Variants in MICAL3 observed in about 807,000 individuals in gnomAD.
MICAL3 encodes the protein microtubule associated monooxygenase, calponin and LIM domain containing 3.
In MICAL3, 62 loss-of-function variants were observed where a neutral mutation model predicts 207.4. The observed-to-expected ratio is 0.30, with a 90% CI of 0.24 to 0.37. MICAL3 has a LOEUF of 0.37. Ranked by LOEUF, MICAL3 falls within the 10% of genes least tolerant of loss-of-function variation. The probability of loss-of-function intolerance (pLI) is 1.00; values close to 1 mark genes in which losing one functional copy is unlikely to be tolerated. For synonymous variants in MICAL3, 1,077 were observed against 1,069.3 expected (o/e 1.01, Z -0.14); for missense variants, 2,368 against 2,635.6 (o/e 0.90, Z 2.22).
intron 1 of MICAL3, among the ~76,000 whole-genome samples, chr22:17,909,596 G>T (rs1378453184): frequency 6.6e-6 from 1 of 152,202 alleles, no homozygotes; most frequent in African/African-American, 2.4e-5. Flanking sequence ...TGGCCAAGAG[G>T]CCAGCAAGAA....
At chr22:17,878,903 C>T (rs1238594440) in intron 16 of MICAL3, among the ~76,000 whole-genome samples, 1 of 152,136 alleles carries the variant, frequency 6.6e-6, no homozygotes, top group Admixed American at 6.5e-5. Context: ...AGAGCTTTGG[C>T]TCTCTTAGGA....
At chr22:17,811,400 T>C (rs1187261190) in intron 27 of MICAL3, 1 of 152,650 alleles carries the variant, frequency 6.6e-6, no homozygotes, top group African/African-American at 2.4e-5. Context: ...AACAAGGATG[T>C]TTCTCTTTTA....
At chr22:17,928,445 AAAG>A (rs542145463) in intron 1 of MICAL3, among the ~76,000 whole-genome samples, 6 of 145,454 alleles carry the variant, frequency 4.1e-5, no homozygotes, top group African/African-American at 1.6e-4. Context: ...TCTCAAAAAA[AAAG>A]AAAGAAAGAA....
intron 21 of MICAL3, among the ~76,000 whole-genome samples, 172 bp downstream of exon 21, chr22:17,831,682 G>C (rs573164743): frequency 2.6e-4 from 40 of 152,240 alleles, no homozygotes; most frequent in African/African-American, 9.1e-4. Flanking sequence ...CCTGCTCAAC[G>C]CTACGGTGTC....
At chr22:18,010,622 C>A (rs1433546938) in intron 1 of MICAL3, among the ~76,000 whole-genome samples, 3 of 152,108 alleles carry the variant, frequency 2.0e-5, no homozygotes, top group Non-Finnish European at 4.4e-5. Flanking sequence ...AAGAAGTGAG[C>A]TTCCCCTTTT....
chr22:17,860,225 C>T (rs1048763717), intron 19 of MICAL3: 21 of 983,206 alleles, frequency 2.1e-5, no homozygotes, highest in South Asian at 4.7e-5. Flanking sequence ...ATTAAAAGCA[C>T]GACAACTTGG....
At chr22:17,903,977 G>T (rs186670577) in intron 3 of MICAL3, among the ~76,000 whole-genome samples, 1 of 152,208 alleles carries the variant, frequency 6.6e-6, no homozygotes, top group Non-Finnish European at 1.5e-5. Flanking sequence ...GTCAAACACC[G>T]CTGATTGCAT....
At chr22:17,797,619 G>A (rs564781969) in intron 29 of MICAL3, among the ~76,000 whole-genome samples, 3 of 152,158 alleles carry the variant, frequency 2.0e-5, no homozygotes, top group Non-Finnish European at 1.5e-5. Context: ...CTGCATTTCC[G>A]ACTCAATCAT....
At chr22:17,804,985 G>A (rs2061975761) in intron 29 of MICAL3, among the ~76,000 whole-genome samples, 1 of 152,202 alleles carries the variant, frequency 6.6e-6, no homozygotes, top group South Asian at 2.1e-4. Context: ...CTTGCAGCCT[G>A]GCCATACGTC....
chr22:17,976,533 ATATGTG>A (rs1296047219), intron 1 of MICAL3, among the ~76,000 whole-genome samples: 7 of 115,544 alleles, frequency 6.1e-5, no homozygotes, highest in African/African-American at 2.4e-4. Flanking sequence ...ATGTGTATAT[ATATGTG>A]TGTGTGTGTG....
rs1008192291 is a variant in MICAL3 at position 17,881,669 on chromosome 22, G to C, written c.2241+4209C>G. ...AGGGGACACAGAGACCCCCTCTCAAGGGCTTGGTCACGTGCATCCAATGAA... is the reference window on the plus strand; with the variant it reads ...AGGGGACACAGAGACCCCCTCTCAACGGCTTGGTCACGTGCATCCAATGAA... On this transcript the variant is annotated intron_variant, in intron 16 of 31. Coordinates refer to ENST00000441493, the MANE Select transcript of MICAL3 (RefSeq NM_015241.3). Among the ~76,000 whole-genome samples the C allele has an allele frequency of 2.6e-5, 4 of 152,172 alleles. No individual in the cohort carries two copies. In the South Asian group the frequency reaches 8.3e-4, roughly 32 times the overall value.
chr22:17,844,807 T>C (rs1027760392), intron 19 of MICAL3, among the ~76,000 whole-genome samples: 7 of 152,120 alleles, frequency 4.6e-5, no homozygotes, highest in Admixed American at 4.6e-4. Context: ...ATCTTGAAGA[T>C]GAGGAAATGT....
In MICAL3 at chr22:17,819,078, C is replaced by A; in HGVS notation, c.3583G>T (p.Glu1195Ter). The A allele has an allele frequency of 1.3e-6, 2 of 1,538,968 alleles. No homozygotes were observed. The highest frequency in any genetic ancestry group is 1.8e-6 in the Non-Finnish European group (2 of 1,141,914). Residue 1195 changes from glutamate to a stop codon, truncating the protein, a stop_gained, in exon 26 of 32, where the codon GAG (glutamate) becomes TAG (stop). Transcript: ENST00000441493. LOFTEE classifies it high-confidence loss of function. ...AGCAAAGGCTCAGGGAAAAGGCGCT[C>A]CTCAGGTGATTTCTCCTGGGTGGCG... ...PAATQEKSPE[E>*]RLFPEPLLPK...
intron 1 of MICAL3, among the ~76,000 whole-genome samples, chr22:17,983,920 G>GA (rs960593881): frequency 6.6e-6 from 1 of 151,936 alleles, no homozygotes; most frequent in Non-Finnish European, 1.5e-5. Flanking sequence ...ATTGTTCTGG[G>GA]AAAAAAATTC....
chr22:17,858,914 G>A (rs913541521), intron 19 of MICAL3, among the ~76,000 whole-genome samples: 14 of 152,180 alleles, frequency 9.2e-5, no homozygotes, highest in African/African-American at 2.4e-4. Flanking sequence ...TTATGCACAC[G>A]TATGTATCCA....
At position 17,817,733 on chromosome 22, in the gene MICAL3, T is replaced by C. The variant is rs2146007493; in HGVS notation, c.4928A>G (p.Lys1643Arg). The change falls in exon 26 of 32, where the codon AAG becomes AGG. Residue 1643 changes from lysine (K) to arginine (R), a missense_variant. Lys to Arg is a conservative substitution (Grantham distance 26). Coordinates refer to ENST00000441493, the MANE Select transcript of MICAL3 (RefSeq NM_015241.3). The stretch of plus-strand genomic sequence containing the variant: ...TGTGGGGGAGTCAGGCCGGCGCTCC[T>C]TGCCCTGGGAGGGTGCTGAGGACGC... ...RKASSAPSQGKERRPDSPTRP... is the reference protein window; with the variant it reads ...RKASSAPSQGRERRPDSPTRP... The C allele has an allele frequency of 6.3e-7, 1 of 1,590,184 alleles. No individual in the cohort carries two copies.
intron 1 of MICAL3, among the ~76,000 whole-genome samples, chr22:18,015,061 A>AG (rs1286429446): frequency 6.6e-6 from 1 of 152,120 alleles, no homozygotes; most frequent in Non-Finnish European, 1.5e-5. Context: ...AAGTTTTCCC[A>AG]GGCCTGTGAT....
chr22:17,931,722 G>A (rs1933274529), intron 1 of MICAL3, among the ~76,000 whole-genome samples: 1 of 152,198 alleles, frequency 6.6e-6, no homozygotes, highest in Admixed American at 6.5e-5. Flanking sequence ...TCCAGCCTGT[G>A]GCATTTAGAA....
chr22:17,893,770 G>A (rs1602163711), intron 11 of MICAL3, 38 bp downstream of exon 11: 3 of 1,424,144 alleles, frequency 2.1e-6, no homozygotes, highest in Admixed American at 2.0e-5. Context: ...TCTCTGAAGG[G>A]GCTGCCTGCA....
Sources: gnomAD v4.1 joint callset for allele counts (sites outside exome capture counted in the v4.1 genomes callset) on GRCh38, gnomAD v4.1.1 for gene constraint, MANE v1.5 for transcripts, NCBI Gene and HGNC (gene_info 2026-07-23, HGNC 2026-07-21) for gene names.